Variants in CENPU observed in about 807,000 individuals in gnomAD.
The protein encoded by CENPU is centromere protein U.
CENPU carries 46 observed loss-of-function variants against 56.7 expected under a neutral mutation model. That is an observed-to-expected ratio of 0.81 (90% CI 0.64 to 1.04). The LOEUF (loss-of-function observed/expected upper bound fraction) is 1.04. CENPU is among the 50% of genes least tolerant of loss of function. CENPU has a pLI of 0.00. For missense variants in CENPU, 510 were observed against 490.1 expected (o/e 1.04, Z -0.38); for synonymous variants, 166 against 163.0 (o/e 1.02, Z -0.14).
chr4:184,732,134 T>C (rs951264386), intron 1 of CENPU, among the ~76,000 whole-genome samples: 6 of 152,088 alleles, frequency 3.9e-5, no homozygotes, highest in Non-Finnish European at 7.4e-5. Flanking sequence ...AAGGAAAATA[T>C]AAAATGAAGC....
chr4:184,726,974 TGGG>T (rs56330358), intron 3 of CENPU, among the ~76,000 whole-genome samples: 1 of 93,118 alleles, frequency 1.1e-5, no homozygotes, highest in African/African-American at 4.2e-5. Context: ...TCCTGGGGGG[TGGG>T]GGGGGGGGGC....
At chr4:184,709,227 G>A (rs28457675) in intron 8 of CENPU, among the ~76,000 whole-genome samples, 27,114 of 152,042 alleles carry the variant, frequency 0.18, 2,722 homozygotes, top group African/African-American at 0.26. Flanking sequence ...AGTGGCTCAC[G>A]TCTATAATCC....
At chr4:184,726,577 A>G (rs2090589) in intron 3 of CENPU, among the ~76,000 whole-genome samples, 27,110 of 152,162 alleles carry the variant, frequency 0.18, 2,716 homozygotes, top group African/African-American at 0.26. Flanking sequence ...GGAAATGGTG[A>G]TTCCTGAAAA....
intron 4 of CENPU, among the ~76,000 whole-genome samples, chr4:184,719,726 A>G (rs1761211389): frequency 6.6e-6 from 1 of 152,158 alleles, no homozygotes; most frequent in Admixed American, 6.5e-5. Flanking sequence ...ATGGCTCCAA[A>G]AGAGACCCCT....
chr4:184,727,388 A>T (rs544298351), intron 3 of CENPU, among the ~76,000 whole-genome samples: 1 of 152,342 alleles, frequency 6.6e-6, no homozygotes, highest in Non-Finnish European at 1.5e-5. Flanking sequence ...GAATGTATTT[A>T]TCTGCTACAG....
chr4:184,721,845 C>T (rs1384636215), intron 4 of CENPU, among the ~76,000 whole-genome samples: 1 of 152,098 alleles, frequency 6.6e-6, no homozygotes, highest in Non-Finnish European at 1.5e-5. Flanking sequence ...ATCTTCCAGA[C>T]AGACAATCAA....
intron 3 of CENPU, among the ~76,000 whole-genome samples, chr4:184,725,766 C>T (rs28582728): frequency 0.18 from 27,112 of 152,022 alleles, 2,719 homozygotes; most frequent in African/African-American, 0.26. Flanking sequence ...GATGCCAGAG[C>T]CTTTAGATAA....
rs370128873 is a variant in CENPU at position 184,716,547 on chromosome 4, T to C, written c.468A>G (p.Lys156=). The C allele has an allele frequency of 1.8e-4, 286 of 1,614,100 alleles. No individual in the cohort carries two copies. Among genetic ancestry groups the C allele is most frequent in the Non-Finnish European group, 2.4e-4 (281 of 1,180,042 alleles). ...TAACCTCATGACGTTGTGTACTTATTTTCTCTGCTGATTTAACTTTTCTCC... is the reference window on the plus strand; with the variant it reads ...TAACCTCATGACGTTGTGTACTTATCTTCTCTGCTGATTTAACTTTTCTCC... ...DTRRKVKSAE[K]ISTQRHEVIR... is the part of the protein sequence containing the mutation. The change falls in exon 6 of 13, where the codon AAA becomes AAG. Residue 156 remains lysine (K), a synonymous_variant. Coordinates refer to ENST00000281453, the MANE Select transcript of CENPU (RefSeq NM_024629.4).
chr4:184,694,776 G>C lies in CENPU; in HGVS notation c.*512C>G. On this transcript the variant is annotated 3_prime_UTR_variant, in exon 13 of 13. Transcript: ENST00000281453. ...AACTAATTATAGAAGTATTACAAGA[G>C]TAACTAATTCACTATGAACACTTTT... The C allele has an allele frequency of 6.2e-7, 1 of 1,605,852 alleles. No homozygotes were observed. The highest frequency in any genetic ancestry group is 8.5e-7 in the Non-Finnish European group (1 of 1,172,938).
chr4:184,727,779 C>A (rs548763775), intron 3 of CENPU, among the ~76,000 whole-genome samples: 1 of 152,158 alleles, frequency 6.6e-6, no homozygotes, highest in Non-Finnish European at 1.5e-5. Context: ...TAACAAGCTG[C>A]GGTATATCCA....
intron 4 of CENPU, among the ~76,000 whole-genome samples, chr4:184,722,588 G>A (rs1401361): frequency 1.3e-5 from 2 of 151,364 alleles, no homozygotes; most frequent in Non-Finnish European, 2.9e-5. Context: ...AATGCTAAAA[G>A]TGATAAATAT....
At chr4:184,709,769 A>G (rs1016198763) in intron 8 of CENPU, among the ~76,000 whole-genome samples, 28 of 151,914 alleles carry the variant, frequency 1.8e-4, no homozygotes, top group Admixed American at 7.9e-4. Context: ...ATCATGTACC[A>G]GGTCATGAAG....
chr4:184,718,704 G>A (rs1323372582), intron 4 of CENPU, among the ~76,000 whole-genome samples: 6 of 152,196 alleles, frequency 3.9e-5, no homozygotes, highest in African/African-American at 1.4e-4. Flanking sequence ...GCAGTCACGG[G>A]CCAGAAAAAT....
chr4:184,710,228 G>T, intron 7 of CENPU, 48 bp from the exon 8 acceptor site: 2 of 1,301,910 alleles, frequency 1.5e-6, no homozygotes. Context: ...TATTTTGGCT[G>T]TAGGTCCAGG....
At chr4:184,708,481 A>C (rs914220770) in intron 8 of CENPU, among the ~76,000 whole-genome samples, 1 of 151,908 alleles carries the variant, frequency 6.6e-6, no homozygotes, top group Non-Finnish European at 1.5e-5. Context: ...TAAAAAATTA[A>C]AAAACCTTGG....
intron 12 of CENPU, among the ~76,000 whole-genome samples, 165 bp downstream of exon 12, chr4:184,697,482 T>C (rs959183812): frequency 2.6e-5 from 4 of 152,200 alleles, no homozygotes; most frequent in Non-Finnish European, 5.9e-5. Flanking sequence ...CTAAGAAAAG[T>C]GCTGATATAA....
At position 184,723,425 on chromosome 4, in the gene CENPU, T is replaced by C. The variant is rs118068832; in HGVS notation, c.320+1532A>G. Among the ~76,000 whole-genome samples the C allele has an allele frequency of 4.8e-3, 733 of 152,352 alleles. 13 individuals carry two copies. The highest frequency in any genetic ancestry group is 0.035 in the East Asian group (183 of 5,188). ...TGAAGACTTACTATACACCTTTTTA[T>C]ATTTTTAAACCATGTGAAGGTGTTA... is the stretch of plus-strand genomic sequence containing the variant. On this transcript the variant is annotated intron_variant, in intron 4 of 12. Coordinates refer to ENST00000281453, the MANE Select transcript of CENPU (RefSeq NM_024629.4).
In CENPU at chr4:184,734,077, C is replaced by G. The variant is rs1359349755; in HGVS notation, c.-15G>C. The G allele has an allele frequency of 1.3e-6, 2 of 1,547,012 alleles. No individual in the cohort carries two copies. The highest frequency in any genetic ancestry group is 3.9e-5 in the Admixed American group (2 of 51,032). On this transcript the variant is annotated 5_prime_UTR_variant, in exon 1 of 13. Transcript: ENST00000281453. The stretch of plus-strand genomic sequence containing the variant: ...CGCGGGGCCATGGTGCCGCTCTCCG[C>G]TCTCGAGCGACTGGAAGCTCCCGCC...
rs559527167 is a variant in CENPU at position 184,720,349 on chromosome 4, AAAAAG to A, written c.321-3158_321-3154del. Among the ~76,000 whole-genome samples, 734 of 152,258 alleles carry A rather than the reference AAAAAG, an allele frequency of 4.8e-3. 5 individuals are homozygous for A. Among genetic ancestry groups the A allele is most frequent in the Non-Finnish European group, 7.9e-3 (540 of 68,012 alleles). Reference sequence around the variant, plus strand: ...AAATACAGTCAGAGGAAAGGAAAGAAAAAAGAAAAAACAATCGTGAAGCATGCCTA... The same window carrying A: ...AAATACAGTCAGAGGAAAGGAAAGAAAAAAAACAATCGTGAAGCATGCCTA... On this transcript the variant is annotated intron_variant, in intron 4 of 12. Coordinates refer to ENST00000281453, the MANE Select transcript of CENPU (RefSeq NM_024629.4).
Sources: gnomAD v4.1 joint callset for allele counts (sites outside exome capture counted in the v4.1 genomes callset) on GRCh38, gnomAD v4.1.1 for gene constraint, MANE v1.5 for transcripts, NCBI Gene and HGNC (gene_info 2026-07-23, HGNC 2026-07-21) for gene names.